PDXDC1: variants seen among roughly 807,000 people sequenced by gnomAD.
The protein encoded by PDXDC1 is pyridoxal-dependent decarboxylase domain-containing protein 1.
A neutral mutation model predicts 100.1 loss-of-function variants in PDXDC1; 42 were observed. The observed-to-expected ratio is 0.42, with a 90% confidence interval of 0.33 to 0.54. The LOEUF (loss-of-function observed/expected upper bound fraction) is 0.54. PDXDC1 is among the 20% of genes least tolerant of loss of function. The pLI is 0.10. For synonymous variants in PDXDC1, 260 were observed against 371.7 expected (o/e 0.70, Z 3.46); for missense variants, 636 against 979.2 (o/e 0.65, Z 4.68).
chr16:15,097,447 ACC>A (rs528833453), intron 16 of PDXDC1, among the ~76,000 whole-genome samples: 7,863 of 101,378 alleles, frequency 0.078, 314 homozygotes, highest in Middle Eastern at 0.14. Flanking sequence ...ATGCGGTGAA[ACC>A]CCGTCTCTAC....
intron 12 of PDXDC1, among the ~76,000 whole-genome samples, chr16:15,021,947 T>C (rs1026615448): frequency 1.3e-5 from 2 of 152,304 alleles, no homozygotes; most frequent in South Asian, 4.1e-4. Flanking sequence ...GCAACTTCAC[T>C]AGAATGTCAG....
At chr16:15,060,284 A>G (rs1345129498) in intron 16 of PDXDC1, 2 of 283,152 alleles carry the variant, frequency 7.1e-6, no homozygotes, top group Non-Finnish European at 1.4e-5. Flanking sequence ...TAAAAAGACA[A>G]CCTTAAAGTT....
In PDXDC1 at chr16:15,102,067, T is replaced by C. The variant is rs1228798875; in HGVS notation, c.1400-36812T>C. Among the ~76,000 whole-genome samples, 11 of 152,264 alleles carry C rather than the reference T, an allele frequency of 7.2e-5. No individual in the cohort carries two copies. The South Asian group carries it at 1.0e-3, about 14-fold the overall frequency. ...TTCGCCATGTTGGTCAGGCTGCTCT[T>C]GAACGCCTGACCTTGTGATCCACCT... On this transcript the variant is annotated intron_variant, in intron 16 of 16. Transcript: ENST00000535621.
intron 16 of PDXDC1, 93 bp downstream of exon 16, chr16:15,030,149 T>G: frequency 9.6e-7 from 1 of 1,045,744 alleles, no homozygotes; most frequent in South Asian, 1.4e-5. Context: ...CCTAGAGTTA[T>G]TAGCAGCTCT....
chr16:15,034,439 T>C lies in PDXDC1; in HGVS notation c.1906-18T>C, dbSNP rs1213523872. The C allele has an allele frequency of 1.7e-5, 27 of 1,613,770 alleles. 1 individual carries two copies. The highest frequency in any genetic ancestry group is 2.3e-5 in the Non-Finnish European group (27 of 1,179,878). ...GCCGTGAGGCCAGGTGGCCCTGAACTCTGGTCCTGTCTTGCAGGGGGTGTT... is the reference window on the plus strand; with the variant it reads ...GCCGTGAGGCCAGGTGGCCCTGAACCCTGGTCCTGTCTTGCAGGGGGTGTT... On this transcript the variant is annotated intron_variant, in intron 20 of 22. Transcript: ENST00000396410.
chr16:15,055,949 C>T, intron 16 of PDXDC1: 1 of 1,230,188 alleles, frequency 8.1e-7, no homozygotes, highest in Non-Finnish European at 1.0e-6. Flanking sequence ...CCGCACTCGC[C>T]GCCCCTCGAC....
Position 15,031,904 on chromosome 16 carries a change from C to T in PDXDC1, c.1569C>T (p.Val523=). The T allele has an allele frequency of 6.2e-7, 1 of 1,601,716 alleles. No homozygotes were observed. The highest frequency in any genetic ancestry group is 8.5e-7 in the Non-Finnish European group (1 of 1,172,488). ...DDPNWSGIGV[V]RYEHANDDKS... Reference sequence around the variant, plus strand: ...CTAACTGGTCTGGAATAGGGGTTGTCAGGTAAAGTCTTGGCCTGCCGCTTG... The same window carrying T: ...CTAACTGGTCTGGAATAGGGGTTGTTAGGTAAAGTCTTGGCCTGCCGCTTG... Residue 523 remains valine, a splice_region_variant and synonymous_variant, in exon 17 of 23, where the codon GTC becomes GTT. Coordinates refer to ENST00000396410, the MANE Select transcript of PDXDC1 (RefSeq NM_015027.4).
chr16:15,104,133 AC>A (rs1298907150), intron 16 of PDXDC1, among the ~76,000 whole-genome samples: 2 of 58,224 alleles, frequency 3.4e-5, no homozygotes, highest in African/African-American at 1.4e-4. Flanking sequence ...TGATCGAGCC[AC>A]TGCACTCCAG....
intron 16 of PDXDC1, chr16:15,094,201 C>T (rs1196449460): frequency 1.3e-6 from 2 of 1,599,100 alleles, no homozygotes; most frequent in Non-Finnish European, 1.7e-6. Context: ...CCGCATCTCC[C>T]GGCAAACGCG....
intron 16 of PDXDC1, among the ~76,000 whole-genome samples, chr16:15,097,324 A>C (rs1162150067): frequency 6.6e-6 from 1 of 151,782 alleles, no homozygotes; most frequent in Non-Finnish European, 1.5e-5. Context: ...ATGTTAATGT[A>C]AGTTATAAGA....
chr16:15,123,562 A>G, intron 16 of PDXDC1: 1 of 644,354 alleles, frequency 1.6e-6, no homozygotes, highest in Admixed American at 2.4e-5. Flanking sequence ...CCATCCGTCC[A>G]TCAACCTGTA....
chr16:15,104,639 ATGT>A (rs763969738), intron 16 of PDXDC1: 3 of 1,598,254 alleles, frequency 1.9e-6, no homozygotes, highest in Non-Finnish European at 2.5e-6. Context: ...CAGTTATAGA[ATGT>A]TGTTGAGTTG....
chr16:14,997,216 G>T (rs1228799356), intron 1 of PDXDC1, among the ~76,000 whole-genome samples: 2 of 152,186 alleles, frequency 1.3e-5, no homozygotes, highest in African/African-American at 4.8e-5. Context: ...TGGGAGATAG[G>T]TGTACACATG....
downstream of PDXDC1, chr16:15,041,024 C>T: frequency 1.5e-6 from 2 of 1,332,414 alleles, no homozygotes; most frequent in South Asian, 1.2e-5. Context: ...TTTAACTGCA[C>T]ATGTGACCAA....
In PDXDC1 at chr16:15,125,705, C is replaced by G. The variant is rs1385709585; in HGVS notation, c.1400-13174C>G. The G allele has an allele frequency of 2.2e-6, 3 of 1,364,564 alleles. No individual in the cohort carries two copies. In the East Asian group the frequency reaches 6.9e-5, roughly 31 times the overall value. 84.5% of individuals were successfully genotyped at this position (1,364,564 alleles called of 1,614,324 possible). On this transcript the variant is annotated intron_variant, in intron 16 of 16. Transcript: ENST00000535621. ...AGAGCCCTCACCTCAGCGTGGAGGCCTGAGAACGTGAGGAAGGAGCTGTCC... is the reference window on the plus strand; with the variant it reads ...AGAGCCCTCACCTCAGCGTGGAGGCGTGAGAACGTGAGGAAGGAGCTGTCC...
chr16:15,137,600 C>G lies in PDXDC1; in HGVS notation c.1400-1279C>G. 11 of 1,372,794 alleles carry G rather than the reference C, an allele frequency of 8.0e-6. No individual in the cohort carries two copies. The South Asian group carries it at 1.4e-4, about 17-fold the overall frequency. The allele number at this position is 1,372,794 out of a possible 1,614,324, so 85.0% of individuals were successfully genotyped here. The stretch of plus-strand genomic sequence containing the variant: ...TCCTCCTGGCTCCACCCCACACACC[C>G]CCATCCGCCCGCCGCACTCACAGGC... On this transcript the variant is annotated intron_variant, in intron 16 of 16. Coordinates refer to the PDXDC1 transcript ENST00000535621.
At chr16:15,018,623 A>G (rs1399308583) in intron 11 of PDXDC1, among the ~76,000 whole-genome samples, 1 of 152,138 alleles carries the variant, frequency 6.6e-6, no homozygotes, top group East Asian at 1.9e-4. Context: ...TGGCTTTGCC[A>G]CTCCTGAGCT....
At chr16:15,146,494 C>G in the PDXDC1 span, among the ~76,000 whole-genome samples, 1 of 152,228 alleles carries the variant, frequency 6.6e-6, no homozygotes, top group African/African-American at 2.4e-5. Flanking sequence ...TCACACACAC[C>G]AGAACGCGTC....
chr16:15,006,970 T>G (rs552359316), intron 6 of PDXDC1, among the ~76,000 whole-genome samples: 1 of 152,408 alleles, frequency 6.6e-6, no homozygotes, highest in African/African-American at 2.4e-5. Context: ...AATTAACTGT[T>G]GCCCTTTTGG....
Sources: gnomAD v4.1 joint callset for allele counts (sites outside exome capture counted in the v4.1 genomes callset) on GRCh38, gnomAD v4.1.1 for gene constraint, MANE v1.5 for transcripts, NCBI Gene and HGNC (gene_info 2026-07-23, HGNC 2026-07-21) for gene names.